Variants in SPAG16 observed in about 807,000 individuals in gnomAD.
SPAG16 encodes the protein sperm-associated antigen 16 protein.
Under a neutral mutation model 80.4 loss-of-function variants are expected in SPAG16, and 86 were observed. The observed-to-expected ratio is 1.07, with a 90% confidence interval of 0.90 to 1.28. The LOEUF is 1.28. Among genes scored for constraint, SPAG16 ranks in the 50% most tolerant of loss-of-function variants. The probability of loss-of-function intolerance (pLI) is 0.00; values close to 1 mark genes in which losing one functional copy is unlikely to be tolerated. For synonymous variants in SPAG16, 294 were observed against 265.9 expected, an observed-to-expected ratio of 1.11 and a Z score of -1.03; for missense variants, 870 against 765.3, an observed-to-expected ratio of 1.14 and a Z score of -1.61.
At chr2:213,352,913 G>T (rs1442798934) in intron 7 of SPAG16, among the ~76,000 whole-genome samples, 3 of 152,234 alleles carry the variant, frequency 2.0e-5, no homozygotes, top group East Asian at 3.9e-4. Context: ...CAGTCTCTTT[G>T]GGTTTAACAC....
intron 9 of SPAG16, among the ~76,000 whole-genome samples, chr2:213,474,875 C>A (rs1232039504): frequency 1.3e-5 from 2 of 152,118 alleles, no homozygotes; most frequent in African/African-American, 4.8e-5. Context: ...AAATGTTAAT[C>A]TCCTTTGGCA....
chr2:214,119,675 G>A (rs1446662421), intron 14 of SPAG16, among the ~76,000 whole-genome samples: 1 of 151,886 alleles, frequency 6.6e-6, no homozygotes, highest in African/African-American at 2.4e-5. Context: ...ATATTTATGA[G>A]ATATACCAAT....
intron 15 of SPAG16, among the ~76,000 whole-genome samples, chr2:214,339,472 T>C (rs890321243): frequency 6.6e-6 from 1 of 152,194 alleles, no homozygotes; most frequent in African/African-American, 2.4e-5. Context: ...TAATTTAATT[T>C]TCCATCACTA....
At chr2:213,704,853 A>G (rs747855858) in intron 10 of SPAG16, among the ~76,000 whole-genome samples, 7 of 152,242 alleles carry the variant, frequency 4.6e-5, no homozygotes, top group South Asian at 2.1e-4. Flanking sequence ...AGTGCAGTCA[A>G]TGAAAGGAAC....
intron 11 of SPAG16, among the ~76,000 whole-genome samples, chr2:213,927,512 A>C (rs1301606978): frequency 1.3e-5 from 2 of 152,162 alleles, no homozygotes; most frequent in East Asian, 3.9e-4. Flanking sequence ...CATGTTTTTG[A>C]AAGGCAAAAC....
At chr2:213,533,237 C>T (rs1484211581) in intron 10 of SPAG16, among the ~76,000 whole-genome samples, 4 of 152,112 alleles carry the variant, frequency 2.6e-5, no homozygotes, top group Non-Finnish European at 4.4e-5. Context: ...GTGATATGCA[C>T]ATACTATCTT....
intron 10 of SPAG16, among the ~76,000 whole-genome samples, chr2:213,763,413 G>A (rs1338822288): frequency 6.6e-6 from 1 of 152,144 alleles, no homozygotes; most frequent in Non-Finnish European, 1.5e-5. Flanking sequence ...TATGTTAAGT[G>A]AAATAAACCA....
At chr2:213,391,321 T>C (rs893316896) in intron 9 of SPAG16, among the ~76,000 whole-genome samples, 1 of 152,172 alleles carries the variant, frequency 6.6e-6, no homozygotes, top group African/African-American at 2.4e-5. Context: ...AAAAAAATAT[T>C]TTAGCTTATA....
Position 214,376,897 on chromosome 2 carries a change from G to A in SPAG16, c.1721-33243G>A, listed in dbSNP as rs76689042. Among the ~76,000 whole-genome samples, 79 of 152,132 alleles carry A rather than the reference G, an allele frequency of 5.2e-4. No homozygotes were observed. In the East Asian group the frequency reaches 8.1e-3, roughly 16 times the overall value. ...GAACAACACAGGTTTGAACTGCCTCGGTGCACTTATGCAAATTTATTATAA... is the reference window on the plus strand; with the variant it reads ...GAACAACACAGGTTTGAACTGCCTCAGTGCACTTATGCAAATTTATTATAA... On this transcript the variant is annotated intron_variant, in intron 15 of 15. Coordinates refer to ENST00000331683, the MANE Select transcript of SPAG16 (RefSeq NM_024532.5).
At chr2:213,631,279 A>G (rs561290545) in intron 10 of SPAG16, among the ~76,000 whole-genome samples, 31 of 152,302 alleles carry the variant, frequency 2.0e-4, no homozygotes, top group Admixed American at 1.1e-3. Flanking sequence ...ACCATGGACT[A>G]TGTAGTTGTG....
At chr2:214,352,217 C>A (rs1698460782) in intron 15 of SPAG16, among the ~76,000 whole-genome samples, 2 of 152,086 alleles carry the variant, frequency 1.3e-5, no homozygotes, top group Admixed American at 1.3e-4. Flanking sequence ...AGGAGAGACA[C>A]CAAACAGAGT....
At chr2:213,622,852 A>G (rs1010523175) in intron 10 of SPAG16, among the ~76,000 whole-genome samples, 1 of 151,644 alleles carries the variant, frequency 6.6e-6, no homozygotes, top group Non-Finnish European at 1.5e-5. Context: ...TTTTTAAAGT[A>G]TAAGTCTAAA....
At chr2:214,300,470 A>T (rs994143743) in intron 15 of SPAG16, among the ~76,000 whole-genome samples, 3 of 152,158 alleles carry the variant, frequency 2.0e-5, no homozygotes, top group Non-Finnish European at 4.4e-5. Flanking sequence ...TATGATTTTT[A>T]AAATTATTAG....
chr2:213,396,103 T>G (rs939797464), intron 9 of SPAG16, among the ~76,000 whole-genome samples: 2 of 152,224 alleles, frequency 1.3e-5, no homozygotes, highest in Non-Finnish European at 2.9e-5. Flanking sequence ...TTTTAACATA[T>G]TTGGATATAT....
intron 5 of SPAG16, among the ~76,000 whole-genome samples, chr2:213,321,658 C>G (rs1017712209): frequency 6.6e-6 from 1 of 152,066 alleles, no homozygotes; most frequent in African/African-American, 2.4e-5. Context: ...AGGGAATTGT[C>G]ATTTTCTCTG....
At chr2:214,040,909 T>C (rs1232521855) in intron 13 of SPAG16, among the ~76,000 whole-genome samples, 1 of 152,104 alleles carries the variant, frequency 6.6e-6, no homozygotes, top group African/African-American at 2.4e-5. Flanking sequence ...GCTATTTGAA[T>C]TGTCCTTTAA....
intron 8 of SPAG16, among the ~76,000 whole-genome samples, chr2:213,369,671 A>G (rs2066524153): frequency 1.3e-5 from 2 of 152,166 alleles, no homozygotes; most frequent in South Asian, 2.1e-4. Context: ...TGTCCTTAGG[A>G]CCTGGTCACT....
At chr2:213,291,806 A>G (rs1410321149) in intron 1 of SPAG16, among the ~76,000 whole-genome samples, 1 of 152,170 alleles carries the variant, frequency 6.6e-6, no homozygotes, top group African/African-American at 2.4e-5. Flanking sequence ...TCTTGGGCAA[A>G]TCTTTTAATC....
intron 9 of SPAG16, among the ~76,000 whole-genome samples, chr2:213,392,912 G>A (rs1439337970): frequency 6.6e-6 from 1 of 151,622 alleles, no homozygotes; most frequent in Non-Finnish European, 1.5e-5. Flanking sequence ...CATCTCTGAG[G>A]AAATATATTT....
Sources: allele counts gnomAD v4.1 joint callset (sites outside exome capture counted in the v4.1 genomes callset), GRCh38; gene constraint gnomAD v4.1.1; transcripts MANE v1.5; gene names NCBI Gene and HGNC (gene_info 2026-07-23, HGNC 2026-07-21).